The following MROH2A variants were observed in gnomAD, a reference collection of about 807,000 sequenced individuals.
The protein encoded by MROH2A is maestro heat like repeat family member 2A.
A neutral mutation model predicts 200.4 loss-of-function variants in MROH2A; 174 were observed. The observed-to-expected ratio is 0.87, with a 90% CI of 0.77 to 0.98. The LOEUF (loss-of-function observed/expected upper bound fraction) is 0.98. Among genes scored for constraint, MROH2A ranks in the 50% least tolerant of loss-of-function variants. MROH2A has a pLI of 0.00. For missense variants in MROH2A, 2,045 were observed against 2,139.6 expected (o/e 0.96, Z 0.87); for synonymous variants, 829 against 840.4 (o/e 0.99, Z 0.23).
At chr2:233,809,809 T>G (rs1703038955) in intron 22 of MROH2A, among the ~76,000 whole-genome samples, 1 of 151,934 alleles carries the variant, frequency 6.6e-6, no homozygotes, top group African/African-American at 2.4e-5. Context: ...TGGCATGAGG[T>G]ACATTCACGT....
chr2:233,785,087 A>G (rs1438379861), intron 3 of MROH2A, among the ~76,000 whole-genome samples: 1 of 152,052 alleles, frequency 6.6e-6, no homozygotes, highest in East Asian at 1.9e-4. Flanking sequence ...TGGAGGTTGC[A>G]GTGAGCTGAG....
rs1048550268 is a variant in MROH2A, at chr2:233,828,931, C to A, written c.4305C>A (p.Gly1435=). ...AGGTCTTGCTGGAGAAGTGCCTGGG[C>A]CCCCTGAGGGAGCCCGTGAGCAACA... ...YRKVLLEKCL[G]PLREPVSNSV... is the part of the protein sequence containing the mutation. The change falls in exon 37 of 42, where the codon GGC becomes GGA. Residue 1435 remains glycine, a synonymous_variant. Transcript: ENST00000389758. The surrounding 1 kb of genome is among the most constrained non-coding windows in gnomAD (Gnocchi z 4.6). 3.2e-6 allele frequency: 5 copies of A among 1,550,488 alleles called. No homozygotes were observed. In the East Asian group the frequency reaches 7.3e-5, roughly 23 times the overall value.
intron 38 of MROH2A, among the ~76,000 whole-genome samples, chr2:233,831,102 G>C (rs915148608): frequency 6.6e-6 from 1 of 152,190 alleles, no homozygotes; most frequent in Non-Finnish European, 1.5e-5. Context: ...GCTCAAGCCC[G>C]GCTCCCGCCT....
Position 233,803,433 on chromosome 2 carries a change from A to G in MROH2A, c.1709-15A>G, listed in dbSNP as rs935894379. 1.1e-5 allele frequency: 17 copies of G among 1,550,312 alleles called. No individual in the cohort carries two copies. Among genetic ancestry groups the G allele is most frequent in the East Asian group, 2.4e-5 (1 of 40,920 alleles). ...GCCAGGAAGGCTCAGCTGGGGTTGCATTTCCTTCAATCAGTGGACCTGCCT... is the reference window on the plus strand; with the variant it reads ...GCCAGGAAGGCTCAGCTGGGGTTGCGTTTCCTTCAATCAGTGGACCTGCCT... On this transcript the variant is annotated splice_polypyrimidine_tract_variant and intron_variant, in intron 15 of 41. Transcript: ENST00000389758.
chr2:233,811,835 C>A (rs1360165049), intron 23 of MROH2A, 45 bp from the exon 24 acceptor site: 5 of 1,318,024 alleles, frequency 3.8e-6, no homozygotes, highest in East Asian at 5.0e-5. Context: ...GTGCTGCCGC[C>A]ATCATGGTCA....
chr2:233,815,891 T>C (rs1027006375), intron 26 of MROH2A, among the ~76,000 whole-genome samples: 4 of 151,362 alleles, frequency 2.6e-5, no homozygotes, highest in Non-Finnish European at 5.9e-5. Context: ...CCTGATACGT[T>C]GCGTTTTAAT....
At chr2:233,783,828 C>T (rs1383839728) in intron 3 of MROH2A, among the ~76,000 whole-genome samples, 8 of 152,190 alleles carry the variant, frequency 5.3e-5, no homozygotes, top group South Asian at 2.1e-4. Flanking sequence ...ACGTGAGTGC[C>T]GGGATTACAG....
chr2:233,828,805 G>T lies in MROH2A; in HGVS notation c.4263+26G>T. The T allele has an allele frequency of 6.5e-7, 1 of 1,549,236 alleles. No homozygotes were observed. The highest frequency in any genetic ancestry group is 8.7e-7 in the Non-Finnish European group (1 of 1,146,112). On this transcript the variant is annotated intron_variant, in intron 36 of 41. Transcript: ENST00000389758. This position sits in a 1 kb window ranked among gnomAD's most constrained non-coding sequence, Gnocchi z 4.6. ...GTACTGTGCCTGGCCCTGGGCCCAG[G>T]TCCCGGGAGCTGAGGGTGCAGGCCG...
intron 27 of MROH2A, among the ~76,000 whole-genome samples, chr2:233,817,755 G>T (rs1263234470): frequency 6.6e-6 from 1 of 152,250 alleles, no homozygotes; most frequent in East Asian, 1.9e-4. Context: ...GAACTGAGCA[G>T]AGCTGAGTCA....
intron 6 of MROH2A, among the ~76,000 whole-genome samples, chr2:233,793,348 A>G (rs1488247362): frequency 6.6e-6 from 1 of 152,138 alleles, no homozygotes; most frequent in Non-Finnish European, 1.5e-5. Flanking sequence ...AGTGCCTGAG[A>G]AAAAGAGGGC....
At position 233,822,507 on chromosome 2, in the gene MROH2A, T is replaced by C; in HGVS notation, c.3817T>C (p.Trp1273Arg). The C allele has an allele frequency of 4.5e-6, 7 of 1,550,594 alleles. No individual in the cohort carries two copies. The highest frequency in any genetic ancestry group is 6.1e-6 in the Non-Finnish European group (7 of 1,147,022). The change falls in exon 33 of 42, where the codon TGG becomes CGG. Residue 1273 changes from tryptophan (W) to arginine (R), a missense_variant. By Grantham distance (101) the Trp-to-Arg change is moderately radical. Around this residue, in one of 3 missense-constraint regions of MROH2A, gnomAD observed 1,201 missense variants for 1,311.3 expected, o/e 0.92. Coordinates refer to ENST00000389758, the MANE Select transcript of MROH2A (RefSeq NM_001394639.1). ...GGCCGCCCCGCCGGTCTTGAAGATG[T>C]GGAAGCTGGTCCACACCACTCCTCT... is the stretch of plus-strand genomic sequence containing the variant. ...PEAAPPVLKM[W>R]KLVHTTPLPE...
At position 233,823,556 on chromosome 2, in the gene MROH2A, G is replaced by T. The variant is rs1447118489; in HGVS notation, c.4005G>T (p.Arg1335Ser). 2.6e-5 allele frequency: 41 copies of T among 1,549,668 alleles called. No individual in the cohort carries two copies. The highest frequency in any genetic ancestry group is 4.1e-5 in the African/African-American group (3 of 73,040). Residue 1335 changes from arginine (R) to serine (S), a missense_variant and splice_region_variant, in exon 35 of 42, where the codon AGG (arginine) becomes AGT (serine). By Grantham distance (110) the Arg-to-Ser change is moderately radical (BLOSUM62 -1). Coordinates refer to ENST00000389758, the MANE Select transcript of MROH2A (RefSeq NM_001394639.1). ...ACCTGGCACTGTCTCTCCTCTGCAG[G>T]CTGTGCATGCAGCACGTGGAGGGCC... ...TFLEGVSLLA[R>S]LCMQHVEGHR... is the part of the protein sequence containing the mutation.
At chr2:233,799,438 C>T (rs561656992) in intron 12 of MROH2A, among the ~76,000 whole-genome samples, 1 of 152,184 alleles carries the variant, frequency 6.6e-6, no homozygotes, top group Non-Finnish European at 1.5e-5. Flanking sequence ...TTCTGCATCT[C>T]CTTCACATAG....
At chr2:233,781,303 A>G in intron 3 of MROH2A, among the ~76,000 whole-genome samples, 1 of 152,152 alleles carries the variant, frequency 6.6e-6, no homozygotes, top group East Asian at 1.9e-4. Flanking sequence ...TTTTTTTGAG[A>G]AACCTCCATA....
Position 233,789,633 on chromosome 2 carries a change from G to T in MROH2A, c.408+5G>T. 1 of 1,456,076 alleles carries T rather than the reference G, an allele frequency of 6.9e-7. No homozygotes were observed. The highest frequency in any genetic ancestry group is 1.5e-5 in the South Asian group (1 of 67,424). The allele number at this position is 1,456,076 out of a possible 1,614,324, so 90.2% of individuals were successfully genotyped here. A position where few individuals can be genotyped will look rare whatever the true frequency, so the allele number is the denominator to read the frequency against. ...GAGATGAGGGAGATCCCAGAGGTAG[G>T]ACCCCAAGCTCCATCGGTGCCTTCC... On this transcript the variant is annotated splice_donor_5th_base_variant and intron_variant, in intron 4 of 41. Transcript: ENST00000389758.
At position 233,796,232 on chromosome 2, in the gene MROH2A, T is replaced by A. The variant is rs1303056684; in HGVS notation, c.1171T>A (p.Phe391Ile). ...RSYPKELMKF[F>I]FSQMETNKEA... ...CTACCCCAAGGAGCTGATGAAGTTC[T>A]TCTTCAGCCAGATGGAGACAAACAA... is the stretch of plus-strand genomic sequence containing the variant. The change falls in exon 11 of 42, where the codon TTC becomes ATC. Residue 391 changes from phenylalanine to isoleucine, a missense_variant. By Grantham distance (21) the Phe-to-Ile change is conservative (BLOSUM62 0). Transcript: ENST00000389758. 6.5e-7 allele frequency: 1 copy of A among 1,549,324 alleles called. No individual in the cohort carries two copies. Among genetic ancestry groups the A allele is most frequent in the Non-Finnish European group, 8.7e-7 (1 of 1,146,388 alleles).
In MROH2A at chr2:233,811,948, C is replaced by T; in HGVS notation, c.2640C>T (p.Leu880=). Residue 880 remains leucine (L), a synonymous_variant, in exon 24 of 42, where the codon CTC becomes CTT. Coordinates refer to ENST00000389758, the MANE Select transcript of MROH2A (RefSeq NM_001394639.1). ...SPVRALAMEA[L]SHLSKLKPFY... ...TGCGAGCCTTGGCGATGGAGGCCCTCTCGCACCTGAGGTGAGCTGGGTTCC... is the reference window on the plus strand; with the variant it reads ...TGCGAGCCTTGGCGATGGAGGCCCTTTCGCACCTGAGGTGAGCTGGGTTCC... The T allele has an allele frequency of 6.5e-7, 1 of 1,549,696 alleles. No individual in the cohort carries two copies. Among genetic ancestry groups the T allele is most frequent in the African/African-American group, 1.4e-5 (1 of 73,132 alleles).
intron 3 of MROH2A, among the ~76,000 whole-genome samples, chr2:233,782,544 T>A (rs1000337879): frequency 6.6e-6 from 1 of 152,260 alleles, no homozygotes; most frequent in South Asian, 2.1e-4. Flanking sequence ...CTAATGTTAC[T>A]GATTTTTGTA....
intron 3 of MROH2A, among the ~76,000 whole-genome samples, chr2:233,782,947 A>C: frequency 1.8e-5 from 1 of 54,494 alleles, no homozygotes; most frequent in East Asian, 8.7e-4. Context: ...TTTATCAAAT[A>C]CTTTTTTTAG....
Sources: gnomAD v4.1 joint callset for allele counts (sites outside exome capture counted in the v4.1 genomes callset) on GRCh38, gnomAD v4.1.1 for gene constraint, gnomAD v4.1.1 regional missense constraint, Gnocchi (gnomAD v3.1) non-coding constraint, MANE v1.5 for transcripts, NCBI Gene and HGNC (gene_info 2026-07-23, HGNC 2026-07-21) for gene names.